Variants in NPAS3 observed in about 807,000 individuals in gnomAD.
The protein encoded by NPAS3 is neuronal PAS domain-containing protein 3.
Under a neutral mutation model 73.1 loss-of-function variants are expected in NPAS3, and 14 were observed. The ratio of observed to expected loss-of-function variants is 0.19; its 90% confidence interval spans 0.13 to 0.30. The LOEUF (loss-of-function observed/expected upper bound fraction) is 0.30. Among genes scored for constraint, NPAS3 ranks in the 10% least tolerant of loss-of-function variants. The pLI, the probability that NPAS3 is intolerant of heterozygous loss-of-function variation, is 1.00. For missense variants in NPAS3, 1,096 were observed against 1,250.0 expected, an observed-to-expected ratio of 0.88 and a Z score of 1.86; for synonymous variants, 620 against 541.5, an observed-to-expected ratio of 1.14 and a Z score of -2.01.
chr14:33,797,800 T>C (rs569344261), intron 11 of NPAS3, among the ~76,000 whole-genome samples: 400 of 152,088 alleles, frequency 2.6e-3, no homozygotes, highest in African/African-American at 9.0e-3. Flanking sequence ...TAGGTATATA[T>C]ACACACAATA....
chr14:33,070,935 A>G (rs2041463800), intron 2 of NPAS3, among the ~76,000 whole-genome samples: 1 of 152,248 alleles, frequency 6.6e-6, no homozygotes, highest in South Asian at 2.1e-4. Context: ...ATCCAGGTTC[A>G]GAAACCTTTT....
chr14:33,751,893 CAGTA>C (rs1332637924), intron 7 of NPAS3, among the ~76,000 whole-genome samples: 1 of 152,098 alleles, frequency 6.6e-6, no homozygotes, highest in Non-Finnish European at 1.5e-5. Flanking sequence ...CTCAAGTGAA[CAGTA>C]AGTGATGACA....
chr14:33,279,617 A>G (rs1026017360), intron 3 of NPAS3, among the ~76,000 whole-genome samples: 4 of 152,178 alleles, frequency 2.6e-5, no homozygotes, highest in African/African-American at 9.6e-5. Flanking sequence ...ATTTAACAAG[A>G]TCTTCAGGTG....
chr14:33,776,005 C>T (rs2062803051), intron 8 of NPAS3, among the ~76,000 whole-genome samples: 1 of 152,182 alleles, frequency 6.6e-6, no homozygotes, highest in Non-Finnish European at 1.5e-5. Flanking sequence ...ACTGTCTCAT[C>T]CTCAGCCAAG....
chr14:33,431,621 T>C (rs542173475), intron 4 of NPAS3, among the ~76,000 whole-genome samples: 1 of 152,352 alleles, frequency 6.6e-6, no homozygotes, highest in South Asian at 2.1e-4. Flanking sequence ...GCCTTTGTTT[T>C]ATAAATGTCA....
chr14:33,099,124 T>C (rs2042509406), intron 2 of NPAS3, among the ~76,000 whole-genome samples: 1 of 152,180 alleles, frequency 6.6e-6, no homozygotes, highest in Non-Finnish European at 1.5e-5. Context: ...CAATAGCAGT[T>C]TCCCGAGGAA....
intron 4 of NPAS3, among the ~76,000 whole-genome samples, chr14:33,369,371 A>G (rs2045976530): frequency 7.1e-6 from 1 of 141,052 alleles, no homozygotes; most frequent in African/African-American, 2.7e-5. Flanking sequence ...AGGGGCATCA[A>G]TGCCCTCTCT....
intron 2 of NPAS3, among the ~76,000 whole-genome samples, chr14:33,056,331 G>T (rs868334778): frequency 3.9e-5 from 6 of 152,122 alleles, no homozygotes; most frequent in African/African-American, 7.2e-5. Flanking sequence ...CATTGCACAG[G>T]TGCTACGCAT....
At chr14:33,035,301 A>G (rs529845231) in intron 1 of NPAS3, among the ~76,000 whole-genome samples, 1 of 152,182 alleles carries the variant, frequency 6.6e-6, no homozygotes, top group Non-Finnish European at 1.5e-5. Context: ...ATTACCTAGA[A>G]GCAGATTTTT....
chr14:33,174,899 G>A (rs2045528651), intron 2 of NPAS3, among the ~76,000 whole-genome samples: 1 of 152,128 alleles, frequency 6.6e-6, no homozygotes, highest in African/African-American at 2.4e-5. Flanking sequence ...ATATGCAAGG[G>A]AAACATATGG....
Position 33,062,245 on chromosome 14 carries a change from G to A in NPAS3, c.140+6251G>A, listed in dbSNP as rs572390854. ...CTTTGTTTCACAACTCTTGTAACTT[G>A]CTTTGCAAGAAGGAATGTGATCTCA... On this transcript the variant is annotated intron_variant, in intron 2 of 11. Coordinates refer to ENST00000356141, the Ensembl canonical transcript of NPAS3. Among the ~76,000 whole-genome samples, 4 of 151,166 alleles carry A rather than the reference G, an allele frequency of 2.6e-5. No individual in the cohort carries two copies. The East Asian group carries it at 7.8e-4, about 29-fold the overall frequency.
intron 5 of NPAS3, among the ~76,000 whole-genome samples, chr14:33,664,584 A>G (rs1256385870): frequency 6.6e-6 from 1 of 152,260 alleles, no homozygotes; most frequent in Non-Finnish European, 1.5e-5. Context: ...CAGGCAATCT[A>G]CAGAATGGGA....
intron 4 of NPAS3, among the ~76,000 whole-genome samples, chr14:33,536,771 G>A (rs1380807781): frequency 1.3e-5 from 2 of 152,118 alleles, no homozygotes; most frequent in Non-Finnish European, 2.9e-5. Context: ...AATAGAAGAT[G>A]TAGCCAAGTT....
chr14:33,557,874 C>A (rs189445630), intron 4 of NPAS3, among the ~76,000 whole-genome samples: 39 of 152,180 alleles, frequency 2.6e-4, no homozygotes, highest in Non-Finnish European at 4.7e-4. Flanking sequence ...GAGGCTGAGG[C>A]AGGAGAATGG....
chr14:33,388,854 G>T (rs982046713), intron 4 of NPAS3, among the ~76,000 whole-genome samples: 2 of 152,180 alleles, frequency 1.3e-5, no homozygotes, highest in Non-Finnish European at 2.9e-5. Context: ...TTTCATAGGA[G>T]TGACACGTGA....
At chr14:33,632,862 C>A (rs951095824) in intron 5 of NPAS3, among the ~76,000 whole-genome samples, 1 of 152,110 alleles carries the variant, frequency 6.6e-6, no homozygotes, top group African/African-American at 2.4e-5. Context: ...GATCTTAAGT[C>A]CATAGAGTTT....
intron 2 of NPAS3, among the ~76,000 whole-genome samples, chr14:33,086,939 C>T (rs554022203): frequency 1.3e-5 from 2 of 151,988 alleles, no homozygotes; most frequent in African/African-American, 4.8e-5. Flanking sequence ...GCCAGGGCCT[C>T]AATTTTAGTT....
intron 4 of NPAS3, among the ~76,000 whole-genome samples, chr14:33,480,735 A>G (rs2139706231): frequency 1.3e-5 from 2 of 151,826 alleles, no homozygotes; most frequent in South Asian, 2.1e-4. Context: ...GAAGACATAA[A>G]CCTCACTTTG....
At chr14:33,802,376 T>TAAAAAAAAAAAA (rs71293230), downstream of NPAS3, 14 of 95,662 alleles carry the variant, frequency 1.5e-4, no homozygotes, top group East Asian at 6.9e-4. Flanking sequence ...GCACATTAAG[T>TAAAAAAAAAAAA]AAAAAAAAAA....
Sources: gnomAD v4.1 joint callset for allele counts (sites outside exome capture counted in the v4.1 genomes callset) on GRCh38, gnomAD v4.1.1 for gene constraint, MANE v1.5 for transcripts, NCBI Gene and HGNC (gene_info 2026-07-23, HGNC 2026-07-21) for gene names.